The following EXD3 variants were observed in gnomAD, a reference collection of about 807,000 sequenced individuals.
The protein encoded by EXD3 is exonuclease mut-7 homolog.
Under a neutral mutation model 98.0 loss-of-function variants are expected in EXD3, and 92 were observed. That is an observed-to-expected ratio of 0.94 (90% CI 0.79 to 1.12). EXD3 has a LOEUF of 1.12. Among genes scored for constraint, EXD3 ranks in the 50% most tolerant of loss-of-function variants. EXD3 has a pLI of 0.00. For synonymous variants in EXD3, 569 were observed against 526.0 expected (o/e 1.08, Z -1.12); for missense variants, 1,222 against 1,191.6 (o/e 1.03, Z -0.38).
At chr9:137,368,376 G>A (rs1010129051) in intron 5 of EXD3, among the ~76,000 whole-genome samples, 1 of 152,184 alleles carries the variant, frequency 6.6e-6, no homozygotes, top group Admixed American at 6.5e-5. Context: ...ACCCATCTGC[G>A]GGCCCCAGAA....
At chr9:137,420,592 T>C (rs1053062578) in intron 1 of EXD3, among the ~76,000 whole-genome samples, 7 of 152,130 alleles carry the variant, frequency 4.6e-5, no homozygotes, top group Non-Finnish European at 8.8e-5. Context: ...ATAGAGCCAA[T>C]AAAAAGCCCC....
In EXD3 at chr9:137,395,279, C is replaced by T. The variant is rs373182613; in HGVS notation, c.55+24G>A. ...CTCCCCCCACAGCCCCAGGGAGACT[C>T]GGCACCATCAGGCTCAGACTCACCC... On this transcript the variant is annotated intron_variant, in intron 2 of 21. Transcript: ENST00000340951. This position sits in a 1 kb window ranked among gnomAD's most constrained non-coding sequence, Gnocchi z 6.5. 5.1e-5 allele frequency: 82 copies of T among 1,606,798 alleles called. No individual in the cohort carries two copies. Among genetic ancestry groups the T allele is most frequent in the Middle Eastern group, 1.6e-4 (1 of 6,064 alleles).
chr9:137,409,410 T>C (rs756418869), intron 1 of EXD3, among the ~76,000 whole-genome samples: 4 of 152,238 alleles, frequency 2.6e-5, no homozygotes, highest in Non-Finnish European at 5.9e-5. Flanking sequence ...GTTTTAGATA[T>C]TGTGTTTTAA....
chr9:137,335,050 C>G (rs1023172871), intron 17 of EXD3, among the ~76,000 whole-genome samples: 5 of 151,426 alleles, frequency 3.3e-5, no homozygotes, highest in African/African-American at 1.2e-4. Context: ...GCACTCCAGC[C>G]TGGGTGACAG....
intron 17 of EXD3, among the ~76,000 whole-genome samples, chr9:137,330,108 C>T (rs1311133389): frequency 2.0e-5 from 1 of 51,004 alleles, no homozygotes; most frequent in African/African-American, 8.9e-5. Flanking sequence ...TCCACAGGAG[C>T]TACACAGGAG....
Position 137,356,274 on chromosome 9 carries a change from C to T in EXD3, c.751G>A (p.Ala251Thr), listed in dbSNP as rs1180000354. 10 of 1,598,136 alleles carry T rather than the reference C, an allele frequency of 6.3e-6. No homozygotes were observed. Among genetic ancestry groups the T allele is most frequent in the Non-Finnish European group, 8.5e-6 (10 of 1,173,514 alleles). Residue 251 changes from alanine (A) to threonine (T), a missense_variant, in exon 8 of 22, where the codon GCC becomes ACC. Physicochemically the swap from Ala to Thr is moderately conservative, Grantham distance 58. Coordinates refer to ENST00000340951, the MANE Select transcript of EXD3 (RefSeq NM_017820.5). ...VLRLQERYGV[A>T]PALCPNAAIQ... ...ATGTGGGGGCTGGACTCACCTGGGG[C>T]TACGCCGTACCGCTCCTGCAGACGC...
intron 7 of EXD3, among the ~76,000 whole-genome samples, chr9:137,364,578 C>T (rs1279208154): frequency 3.3e-5 from 5 of 151,542 alleles, no homozygotes; most frequent in South Asian, 4.2e-4. Flanking sequence ...GCCTAGATTG[C>T]GCCACTGCAC....
rs1198509885 is a variant in EXD3, at chr9:137,352,604, C to A, written c.1037+16G>T. The A allele has an allele frequency of 1.3e-6, 2 of 1,531,174 alleles. No homozygotes were observed. Among genetic ancestry groups the A allele is most frequent in the Non-Finnish European group, 1.8e-6 (2 of 1,138,522 alleles). The allele number at this position is 1,531,174 out of a possible 1,614,324, so 94.8% of individuals were successfully genotyped here. On this transcript the variant is annotated intron_variant, in intron 11 of 21. Transcript: ENST00000340951. ...CGGAACCCACCCCTGGCTGGGGTCA[C>A]CCTGGCGGCGCTCACCTCCCCTGGA...
intron 5 of EXD3, 61 bp downstream of exon 5, chr9:137,372,844 G>T (rs993516594): frequency 6.4e-7 from 1 of 1,557,386 alleles, no homozygotes; most frequent in African/African-American, 1.3e-5. Context: ...AGCCAGGCGC[G>T]TCCTTGCCCC....
chr9:137,385,322 G>A lies in EXD3; in HGVS notation c.56-1945C>T, dbSNP rs895483692. Among the ~76,000 whole-genome samples the A allele has an allele frequency of 3.3e-5, 5 of 152,016 alleles. No individual in the cohort carries two copies. The highest frequency in any genetic ancestry group is 6.5e-5 in the Admixed American group (1 of 15,278). ...GGGACGATGCCCAGGTGGGGAGGAC[G>A]TACCCCACCACGTGGCCATGGCAGG... On this transcript the variant is annotated intron_variant, in intron 2 of 21. Coordinates refer to ENST00000340951, the MANE Select transcript of EXD3 (RefSeq NM_017820.5). The surrounding 1 kb of genome is among the most constrained non-coding windows in gnomAD (Gnocchi z 4.4).
rs1230095203 is a variant in EXD3 at position 137,393,763 on chromosome 9, G to T, written c.55+1540C>A. On this transcript the variant is annotated intron_variant, in intron 2 of 21. Transcript: ENST00000340951. The surrounding 1 kb of genome is among the most constrained non-coding windows in gnomAD (Gnocchi z 4.6). ...AGGGCCATGGCCCTGCCCCATGGAG[G>T]GGCTGCCAGGCAGGGCATGTGTAGG... is the stretch of plus-strand genomic sequence containing the variant. Among the ~76,000 whole-genome samples the T allele has an allele frequency of 6.6e-6, 1 of 152,168 alleles. No individual in the cohort carries two copies. Among genetic ancestry groups the T allele is most frequent in the Non-Finnish European group, 1.5e-5 (1 of 68,006 alleles).
intron 7 of EXD3, among the ~76,000 whole-genome samples, chr9:137,362,091 T>C (rs1835021857): frequency 6.6e-6 from 1 of 152,156 alleles, no homozygotes; most frequent in African/African-American, 2.4e-5. Context: ...GGTTAGAGGT[T>C]AGAGGTAATA....
At chr9:137,354,316 T>A in intron 10 of EXD3, 23 bp downstream of exon 10, 1 of 1,611,710 alleles carries the variant, frequency 6.2e-7, no homozygotes. Context: ...CCTGCCGGCT[T>A]ACAGGCAAGG....
chr9:137,313,975 G>A (rs959726270), intron 19 of EXD3, among the ~76,000 whole-genome samples: 45 of 152,182 alleles, frequency 3.0e-4, no homozygotes, highest in Non-Finnish European at 3.4e-4. Flanking sequence ...GGATGCTGGC[G>A]GGGGTCGCCA....
At position 137,355,685 on chromosome 9, in the gene EXD3, AGGAGAAAGGGAGGAAGGAGGAAGGAG is replaced by A. The variant is rs1834717706; in HGVS notation, c.757+557_757+582del. ...GGAAGGAGAAAGGGAGGATGGAGGA[AGGAGAAAGGGAGGAAGGAGGAAGGAG>A]GAAGGAGGAAGGAGGAAGGAGGACC... On this transcript the variant is annotated intron_variant, in intron 8 of 21. Coordinates refer to ENST00000340951, the MANE Select transcript of EXD3 (RefSeq NM_017820.5). Among the ~76,000 whole-genome samples the A allele has an allele frequency of 3.9e-5, 5 of 127,184 alleles. No homozygotes were observed. In the South Asian group the frequency reaches 1.3e-3, roughly 33 times the overall value. The allele number at this position is 127,184 out of a possible 152,430, so 83.4% of individuals were successfully genotyped here. A position where few individuals can be genotyped will look rare whatever the true frequency, so the allele number is the denominator to read the frequency against.
chr9:137,400,189 G>T (rs1467000101), intron 1 of EXD3, among the ~76,000 whole-genome samples: 1 of 152,118 alleles, frequency 6.6e-6, no homozygotes, highest in Non-Finnish European at 1.5e-5. Flanking sequence ...CCATAACGTG[G>T]GAATTCTGGG....
intron 2 of EXD3, among the ~76,000 whole-genome samples, chr9:137,390,549 G>A (rs147227966): frequency 1.5e-3 from 223 of 152,230 alleles, no homozygotes; most frequent in Non-Finnish European, 2.5e-3. Context: ...ACACAGAAAT[G>A]AGGCCCGGTA....
chr9:137,401,420 G>A (rs1837477727), intron 1 of EXD3, among the ~76,000 whole-genome samples: 1 of 152,076 alleles, frequency 6.6e-6, no homozygotes, highest in Non-Finnish European at 1.5e-5. Flanking sequence ...CTCCCAAAGT[G>A]CTGGGATTAC....
chr9:137,402,964 G>A (rs1837537253), intron 1 of EXD3, among the ~76,000 whole-genome samples: 2 of 152,162 alleles, frequency 1.3e-5, no homozygotes, highest in Admixed American at 1.3e-4. Context: ...CATGAGAACA[G>A]CATGGGAAAG....
Sources: allele counts gnomAD v4.1 joint callset (sites outside exome capture counted in the v4.1 genomes callset), GRCh38; gene constraint gnomAD v4.1.1; non-coding constraint Gnocchi (gnomAD v3.1); transcripts MANE v1.5; gene names NCBI Gene and HGNC (gene_info 2026-07-23, HGNC 2026-07-21).